The following TENM2 variants were observed in gnomAD, a reference collection of about 807,000 sequenced individuals.
The protein encoded by TENM2 is teneurin-2.
A neutral mutation model predicts 245.2 loss-of-function variants in TENM2; 52 were observed. That is an observed-to-expected ratio of 0.21 (90% CI 0.17 to 0.27). The LOEUF is 0.27. Ranked by LOEUF, TENM2 falls within the 10% of genes least tolerant of loss-of-function variation. TENM2 has a pLI of 1.00. For synonymous variants in TENM2, 1,363 were observed against 1,438.9 expected (o/e 0.95, Z 1.19); for missense variants, 3,046 against 3,666.8 (o/e 0.83, Z 4.37).
rs1554154174 is a variant in TENM2 at position 167,445,336 on chromosome 5, T to TAGAGAGAG, written c.502+69890_502+69897dup. Among the ~76,000 whole-genome samples the TAGAGAGAG allele has an allele frequency of 1.6e-3, 122 of 77,274 alleles. 1 individual carries two copies. Among genetic ancestry groups the TAGAGAGAG allele is most frequent in the African/African-American group, 3.9e-3 (70 of 18,012 alleles). The allele number at this position is 77,274 out of a possible 152,430, so 50.7% of individuals were successfully genotyped here. The stretch of plus-strand genomic sequence containing the variant: ...TTATATATATATATATATATATATA[T>TAGAGAGAG]AGAGAGAGAGAGAGAGAGAGAGAGA... On this transcript the variant is annotated intron_variant, in intron 2 of 28. Coordinates refer to ENST00000518659, the Ensembl canonical transcript of TENM2.
intron 2 of TENM2, among the ~76,000 whole-genome samples, chr5:167,635,680 T>C (rs1041471779): frequency 7.6e-6 from 1 of 131,874 alleles, no homozygotes; most frequent in Admixed American, 9.0e-5. Context: ...AGTCTCGCTC[T>C]GTCGCCCAGG....
At chr5:167,011,791 C>A in the TENM2 span, among the ~76,000 whole-genome samples, 1 of 152,090 alleles carries the variant, frequency 6.6e-6, no homozygotes, top group Admixed American at 6.5e-5. Context: ...AATTTCATTT[C>A]CTATCTGAGA....
In TENM2 at chr5:168,098,057, T is replaced by TG; in HGVS notation, c.1746dup (p.Asn583GlufsTer3). ...TGCAGGACTGTCCACGTAACTGCCA[T>TG]GGGAATGGTGAATGTGTGTCCGGGG... is the stretch of plus-strand genomic sequence containing the variant. On this transcript the variant is annotated frameshift_variant, in exon 9 of 29. Transcript: ENST00000518659. LOFTEE classifies it high-confidence loss of function. The TG allele has an allele frequency of 6.2e-7, 1 of 1,613,732 alleles. No homozygotes were observed. Among genetic ancestry groups the TG allele is most frequent in the Non-Finnish European group, 8.5e-7 (1 of 1,179,768 alleles).
intron 2 of TENM2, among the ~76,000 whole-genome samples, chr5:167,801,108 AAATATATATATATATATATATATATATAT>A (rs1398576974): frequency 1.8e-5 from 1 of 55,872 alleles, no homozygotes; most frequent in Non-Finnish European, 3.2e-5. Flanking sequence ...AAAAAAAAAA[AAATATATATATATATATATATATATATAT>A]ATATATATAT....
intron 2 of TENM2, among the ~76,000 whole-genome samples, chr5:167,616,446 A>T (rs1346289332): frequency 1.3e-5 from 2 of 152,114 alleles, no homozygotes; most frequent in African/African-American, 4.8e-5. Flanking sequence ...GGATTAAAGG[A>T]GCCAAATCTA....
intron 8 of TENM2, among the ~76,000 whole-genome samples, chr5:168,091,642 A>G (rs981991673): frequency 6.6e-6 from 1 of 152,230 alleles, no homozygotes; most frequent in Non-Finnish European, 1.5e-5. Flanking sequence ...TCACAGAAGA[A>G]TAAATTGAGA....
chr5:168,148,110 C>T (rs559969522), intron 12 of TENM2, among the ~76,000 whole-genome samples: 9 of 152,258 alleles, frequency 5.9e-5, no homozygotes, highest in African/African-American at 1.2e-4. Flanking sequence ...GGAGTGTGTA[C>T]GTGTGGAAAC....
At chr5:167,661,720 G>A (rs1167205137) in intron 2 of TENM2, among the ~76,000 whole-genome samples, 2 of 151,700 alleles carry the variant, frequency 1.3e-5, no homozygotes, top group African/African-American at 2.4e-5. Flanking sequence ...ACCTCCGAGC[G>A]CAGGGGTATA....
At chr5:167,451,579 G>A (rs776068552) in intron 2 of TENM2, among the ~76,000 whole-genome samples, 4 of 152,008 alleles carry the variant, frequency 2.6e-5, no homozygotes, top group Non-Finnish European at 4.4e-5. Flanking sequence ...TTTCACACTT[G>A]TCCGAGACCT....
chr5:167,093,030 C>A, the TENM2 span, among the ~76,000 whole-genome samples: 1 of 152,102 alleles, frequency 6.6e-6, no homozygotes, highest in Non-Finnish European at 1.5e-5. Flanking sequence ...TGAAACACAA[C>A]CATCAAATCT....
intron 2 of TENM2, among the ~76,000 whole-genome samples, chr5:167,426,855 A>G (rs1297388213): frequency 6.6e-6 from 1 of 152,144 alleles, no homozygotes; most frequent in Non-Finnish European, 1.5e-5. Flanking sequence ...ATTTTTTTCA[A>G]TACTAAATTG....
chr5:167,287,312 A>AT (rs1236737451), intron 1 of TENM2: 1 of 152,128 alleles, frequency 6.6e-6, no homozygotes. Context: ...AATAACAATA[A>AT]TTTTTTTAAA....
chr5:167,601,962 G>T (rs957366649), intron 2 of TENM2, among the ~76,000 whole-genome samples: 3 of 151,834 alleles, frequency 2.0e-5, no homozygotes, highest in African/African-American at 7.3e-5. Flanking sequence ...GAGGAAGAGG[G>T]AAGGGGAAAG....
At chr5:168,123,736 T>G (rs916201569) in intron 10 of TENM2, among the ~76,000 whole-genome samples, 3 of 152,354 alleles carry the variant, frequency 2.0e-5, no homozygotes, top group South Asian at 2.1e-4. Context: ...TACATCCACA[T>G]TTGTCTGATC....
the TENM2 span, among the ~76,000 whole-genome samples, chr5:167,161,604 C>T: frequency 8.5e-5 from 13 of 152,114 alleles, no homozygotes; most frequent in Non-Finnish European, 1.8e-4. Flanking sequence ...CTTAGAACTG[C>T]AAGCATTTTT....
At chr5:167,778,422 A>G (rs1343630006) in intron 2 of TENM2, among the ~76,000 whole-genome samples, 2 of 151,890 alleles carry the variant, frequency 1.3e-5, no homozygotes, top group East Asian at 3.9e-4. Flanking sequence ...CAGGACAAAT[A>G]CAGAGCATGG....
Position 168,004,509 on chromosome 5 carries a change from GCGCGCGCGCACA to G in TENM2, c.1186+11329_1186+11340del, listed in dbSNP as rs1562040586. On this transcript the variant is annotated intron_variant, in intron 5 of 28. Coordinates refer to ENST00000518659, the Ensembl canonical transcript of TENM2. ...GCCCCCATTTGGGATGCACGCATGC[GCGCGCGCGCACA>G]CACACACACACACACACACACACAC... Among the ~76,000 whole-genome samples, 845 of 113,392 alleles carry G rather than the reference GCGCGCGCGCACA, an allele frequency of 7.5e-3. 7 individuals are homozygous for G. Among genetic ancestry groups the G allele is most frequent in the African/African-American group, 0.023 (622 of 27,314 alleles). 74.4% of individuals were successfully genotyped at this position (113,392 alleles called of 152,430 possible).
the TENM2 span, among the ~76,000 whole-genome samples, chr5:167,067,769 A>G: frequency 5.9e-5 from 9 of 152,200 alleles, no homozygotes; most frequent in Admixed American, 3.9e-4. Context: ...TCATAACCAC[A>G]GTGGATCTTC....
chr5:167,048,965 T>C, the TENM2 span, among the ~76,000 whole-genome samples: 1 of 152,122 alleles, frequency 6.6e-6, no homozygotes, highest in South Asian at 2.1e-4. Context: ...AAAGGGGTTC[T>C]CAGCAGGTAC....
Sources: allele counts gnomAD v4.1 joint callset (sites outside exome capture counted in the v4.1 genomes callset), GRCh38; gene constraint gnomAD v4.1.1; transcripts MANE v1.5; gene names NCBI Gene and HGNC (gene_info 2026-07-23, HGNC 2026-07-21).